PDE7A: variants seen among roughly 807,000 people sequenced by gnomAD.
PDE7A encodes the protein phosphodiesterase 7A.
In PDE7A, 39 loss-of-function variants were observed where a neutral mutation model predicts 64.3. The observed-to-expected ratio is 0.61, with a 90% CI of 0.47 to 0.79. The LOEUF is 0.79. PDE7A is among the 30% of genes least tolerant of loss of function. PDE7A has a pLI of 0.00. For synonymous variants in PDE7A, 203 were observed against 206.8 expected, an observed-to-expected ratio of 0.98 and a Z score of 0.16; for missense variants, 470 against 582.8, an observed-to-expected ratio of 0.81 and a Z score of 1.99.
At chr8:65,793,432 T>C (rs561076730) in intron 1 of PDE7A, among the ~76,000 whole-genome samples, 90 of 151,084 alleles carry the variant, frequency 6.0e-4, no homozygotes, top group African/African-American at 2.1e-3. Context: ...CATTTTGATA[T>C]ACAATAAATT....
At chr8:65,800,704 C>T (rs1161247004) in intron 1 of PDE7A, among the ~76,000 whole-genome samples, 2 of 152,186 alleles carry the variant, frequency 1.3e-5, no homozygotes, top group Admixed American at 1.3e-4. Flanking sequence ...ATTCCTCTCC[C>T]TCTCACACCT....
At chr8:65,800,857 T>C (rs556061148) in intron 1 of PDE7A, among the ~76,000 whole-genome samples, 3 of 152,292 alleles carry the variant, frequency 2.0e-5, no homozygotes, top group Non-Finnish European at 4.4e-5. Context: ...AAAAAGAACA[T>C]TAGGTTCAAA....
chr8:65,781,776 G>A (rs1809426113), intron 2 of PDE7A, among the ~76,000 whole-genome samples: 1 of 152,172 alleles, frequency 6.6e-6, no homozygotes, highest in Non-Finnish European at 1.5e-5. Flanking sequence ...TTTACATGGA[G>A]ATGTTCTACA....
In PDE7A at chr8:65,767,074, A is replaced by T. The variant is rs910413703; in HGVS notation, c.283+12646T>A. Among the ~76,000 whole-genome samples, 8 of 152,180 alleles carry T rather than the reference A, an allele frequency of 5.3e-5. No individual in the cohort carries two copies. In the East Asian group the frequency reaches 1.3e-3, roughly 26 times the overall value. ...TACATCCAACTGAATCTTGTTTTTT[A>T]AAAAAGGTATATATTAAATACGTCA... On this transcript the variant is annotated intron_variant, in intron 3 of 12. Transcript: ENST00000401827.
intron 1 of PDE7A, among the ~76,000 whole-genome samples, chr8:65,786,308 T>C (rs536675125): frequency 1.3e-5 from 2 of 152,300 alleles, no homozygotes; most frequent in South Asian, 4.1e-4. Flanking sequence ...AAACTGTTTT[T>C]AAAGAATGGA....
chr8:65,804,539 GCTT>G (rs770420215), intron 1 of PDE7A, among the ~76,000 whole-genome samples: 8,117 of 131,592 alleles, frequency 0.062, 264 homozygotes, highest in Middle Eastern at 0.11. Context: ...TCATTTTGTT[GCTT>G]TTTTTTTTTT....
intron 1 of PDE7A, among the ~76,000 whole-genome samples, chr8:65,828,367 GT>G (rs574531929): frequency 1.3e-4 from 20 of 152,130 alleles, no homozygotes; most frequent in Middle Eastern, 3.4e-3. Flanking sequence ...TTTGCAACTA[GT>G]TTTTTTCCCC....
chr8:65,727,812 A>C (rs963995409), intron 7 of PDE7A: 1 of 152,358 alleles, frequency 6.6e-6, no homozygotes, highest in African/African-American at 2.4e-5. Flanking sequence ...GTTAAGTGGA[A>C]GTCTATGTCA....
chr8:65,814,101 T>A (rs1400037865), intron 1 of PDE7A, among the ~76,000 whole-genome samples: 1 of 152,168 alleles, frequency 6.6e-6, no homozygotes, highest in Non-Finnish European at 1.5e-5. Flanking sequence ...ACATAACCAA[T>A]GCAGTAACAC....
chr8:65,806,257 G>A (rs78626927), intron 1 of PDE7A, among the ~76,000 whole-genome samples: 8,698 of 152,074 alleles, frequency 0.057, 358 homozygotes, highest in Middle Eastern at 0.11. Flanking sequence ...TTAATTCTTG[G>A]ACACTTTTAA....
chr8:65,799,133 G>A (rs1383372260), intron 1 of PDE7A, among the ~76,000 whole-genome samples: 1 of 152,148 alleles, frequency 6.6e-6, no homozygotes, highest in Non-Finnish European at 1.5e-5. Flanking sequence ...GAACTTTTTG[G>A]AGTGACTAAA....
At chr8:65,768,968 C>T (rs1808936928) in intron 3 of PDE7A, among the ~76,000 whole-genome samples, 1 of 152,140 alleles carries the variant, frequency 6.6e-6, no homozygotes, top group African/African-American at 2.4e-5. Context: ...ACAGACATGG[C>T]CAGGCGAGGT....
intron 3 of PDE7A, among the ~76,000 whole-genome samples, chr8:65,768,919 A>C (rs953231710): frequency 2.0e-5 from 3 of 152,190 alleles, no homozygotes; most frequent in Non-Finnish European, 4.4e-5. Context: ...CTATCTGAGG[A>C]AATTTTTTTA....
chr8:65,798,204 A>ATTTTTT (rs377351893), intron 1 of PDE7A, among the ~76,000 whole-genome samples: 2 of 38,200 alleles, frequency 5.2e-5, no homozygotes, highest in African/African-American at 2.6e-4. Flanking sequence ...ATATATATAT[A>ATTTTTT]TATTTTTTTT....
intron 3 of PDE7A, among the ~76,000 whole-genome samples, chr8:65,756,620 C>G (rs1808252245): frequency 6.6e-6 from 1 of 152,072 alleles, no homozygotes; most frequent in Admixed American, 6.5e-5. Flanking sequence ...TACTGAGATT[C>G]TCATTTTGTT....
At chr8:65,775,951 A>G (rs1273766178) in intron 3 of PDE7A, among the ~76,000 whole-genome samples, 2 of 152,146 alleles carry the variant, frequency 1.3e-5, no homozygotes, top group Non-Finnish European at 2.9e-5. Context: ...TTGTAGCAAA[A>G]GTCTCTAAAA....
Position 65,717,873 on chromosome 8 carries a change from A to C in PDE7A, c.*1417T>G, listed in dbSNP as rs777357881. On this transcript the variant is annotated 3_prime_UTR_variant, in exon 13 of 13. Coordinates refer to ENST00000401827, the MANE Select transcript of PDE7A (RefSeq NM_001242318.3). Reference sequence around the variant, plus strand: ...AAGGGAAATACAAATGAACTAAAAGAAAGCACCGGTTTCTCTTAAAACTAG... The same window carrying C: ...AAGGGAAATACAAATGAACTAAAAGCAAGCACCGGTTTCTCTTAAAACTAG... 3.3e-5 allele frequency: 5 copies of C among 152,230 alleles called. No individual in the cohort carries two copies. Among genetic ancestry groups the C allele is most frequent in the East Asian group, 1.9e-4 (1 of 5,204 alleles). 9.4% of individuals were successfully genotyped at this position (152,230 alleles called of 1,614,324 possible).
At chr8:65,740,828 C>G (rs148258395) in intron 5 of PDE7A, among the ~76,000 whole-genome samples, 3 of 152,174 alleles carry the variant, frequency 2.0e-5, no homozygotes, top group Non-Finnish European at 4.4e-5. Flanking sequence ...TCTCAACAAG[C>G]ATCAGCATTC....
At chr8:65,785,889 G>C (rs1262399458) in intron 1 of PDE7A, among the ~76,000 whole-genome samples, 1 of 151,850 alleles carries the variant, frequency 6.6e-6, no homozygotes, top group Non-Finnish European at 1.5e-5. Flanking sequence ...ATTTAGAAAG[G>C]TAAAATATTT....
Sources: gnomAD v4.1 joint callset for allele counts (sites outside exome capture counted in the v4.1 genomes callset) on GRCh38, gnomAD v4.1.1 for gene constraint, MANE v1.5 for transcripts, NCBI Gene and HGNC (gene_info 2026-07-23, HGNC 2026-07-21) for gene names.